Variants in DOCK1 observed in about 807,000 individuals in gnomAD.
DOCK1 encodes the protein dedicator of cytokinesis 1.
DOCK1 carries 138 observed loss-of-function variants against 262.7 expected under a neutral mutation model. That is an observed-to-expected ratio of 0.53 (90% CI 0.46 to 0.61). The LOEUF (loss-of-function observed/expected upper bound fraction) is 0.61, where lower values mean the gene tolerates loss of function less well. Ranked by LOEUF, DOCK1 falls within the 20% of genes least tolerant of loss-of-function variation. The pLI is 0.00. For synonymous variants in DOCK1, 866 were observed against 867.4 expected, an observed-to-expected ratio of 1.00 and a Z score of 0.03; for missense variants, 1,908 against 2,370.7, an observed-to-expected ratio of 0.80 and a Z score of 4.05.
intron 1 of DOCK1, among the ~76,000 whole-genome samples, chr10:126,952,419 T>C (rs1435732930): frequency 6.6e-6 from 1 of 151,844 alleles, no homozygotes; most frequent in Non-Finnish European, 1.5e-5. Context: ...TTGGTAGTGT[T>C]GGTGATGTTA....
chr10:127,163,044 G>T (rs569992149), intron 27 of DOCK1, among the ~76,000 whole-genome samples: 1 of 152,076 alleles, frequency 6.6e-6, no homozygotes, highest in Non-Finnish European at 1.5e-5. Context: ...TCTTCCCTCC[G>T]GGGCAGCACA....
intron 18 of DOCK1, among the ~76,000 whole-genome samples, chr10:127,035,008 C>T (rs939713672): frequency 1.3e-5 from 2 of 152,204 alleles, no homozygotes; most frequent in African/African-American, 4.8e-5. Flanking sequence ...CTCTCAGCAG[C>T]AGCTGTTGCC....
intron 1 of DOCK1, among the ~76,000 whole-genome samples, chr10:126,963,652 TTCCTTCCTTCCTTCCTTCCTCCC>T (rs2037444911): frequency 9.7e-6 from 1 of 102,864 alleles, no homozygotes. Flanking sequence ...CCTTCCTTCC[TTCCTTCCTTCCTTCCTTCCTCCC>T]TCCCTTCCTC....
chr10:127,308,972 A>G (rs988060543), intron 29 of DOCK1, among the ~76,000 whole-genome samples: 1 of 152,224 alleles, frequency 6.6e-6, no homozygotes, highest in Non-Finnish European at 1.5e-5. Flanking sequence ...TGGCTGGGTC[A>G]AATGGTATTT....
intron 21 of DOCK1, among the ~76,000 whole-genome samples, 163 bp downstream of exon 21, chr10:127,043,327 A>G (rs1591789157): frequency 6.6e-6 from 1 of 152,202 alleles, no homozygotes; most frequent in East Asian, 1.9e-4. Context: ...TAACATACCT[A>G]AAAACCTTGT....
Position 127,381,338 on chromosome 10 carries a change from C to T in DOCK1, c.3777C>T (p.Tyr1259=). The T allele has an allele frequency of 6.2e-7, 1 of 1,612,668 alleles. No individual in the cohort carries two copies. The change falls in exon 37 of 52, where the codon TAC becomes TAT. Residue 1259 remains tyrosine (Y), a synonymous_variant. Transcript: ENST00000623213. ...GTGATAACTACACCGAAGCGGCTTA[C>T]ACCTTGCTTCTCCATGCAAAGCTTC... is the stretch of plus-strand genomic sequence containing the variant. ...KECDNYTEAA[Y]TLLLHAKLLK...
intron 27 of DOCK1, among the ~76,000 whole-genome samples, chr10:127,172,892 C>T (rs190848912): frequency 1.3e-5 from 2 of 152,296 alleles, no homozygotes; most frequent in East Asian, 3.9e-4. Flanking sequence ...GCTGCACTGT[C>T]TTATGTATGT....
chr10:127,010,422 A>G (rs1168116566), intron 11 of DOCK1, among the ~76,000 whole-genome samples: 4 of 152,214 alleles, frequency 2.6e-5, no homozygotes, highest in Non-Finnish European at 5.9e-5. Flanking sequence ...AGCCAAGATC[A>G]CGCCACTGCA....
At chr10:127,223,523 T>C (rs888145550) in intron 27 of DOCK1, among the ~76,000 whole-genome samples, 20 of 152,214 alleles carry the variant, frequency 1.3e-4, no homozygotes, top group African/African-American at 4.8e-4. Context: ...TCAAAGGAAA[T>C]GCTTATTGGA....
chr10:127,078,138 A>T (rs974247007), intron 23 of DOCK1, among the ~76,000 whole-genome samples: 16 of 151,988 alleles, frequency 1.1e-4, no homozygotes, highest in African/African-American at 3.6e-4. Flanking sequence ...TATTTATTTT[A>T]TTTATGTTTT....
intron 27 of DOCK1, among the ~76,000 whole-genome samples, chr10:127,237,434 T>C (rs2059114514): frequency 6.6e-6 from 1 of 152,108 alleles, no homozygotes; most frequent in Admixed American, 6.5e-5. Context: ...GGATCCATAT[T>C]TGGCAGGGAA....
At chr10:127,018,597 C>G in intron 12 of DOCK1, 113 bp from the exon 13 acceptor site, 1 of 1,534,894 alleles carries the variant, frequency 6.5e-7, no homozygotes. Flanking sequence ...CCTTTTCTCT[C>G]AAGATGTTGA....
chr10:126,953,459 G>C (rs893896239), intron 1 of DOCK1, among the ~76,000 whole-genome samples: 3 of 151,908 alleles, frequency 2.0e-5, no homozygotes, highest in Admixed American at 6.6e-5. Flanking sequence ...AGGTGGTGAT[G>C]GCAGTGGAGG....
rs146660098 is a variant in DOCK1, at chr10:127,283,651, T to C, written c.3044+26222T>C. ...TCATGGTGTAATATCATCTGTGTACTGCATTATTTTACTTACCATTCTATC... is the reference window on the plus strand; with the variant it reads ...TCATGGTGTAATATCATCTGTGTACCGCATTATTTTACTTACCATTCTATC... On this transcript the variant is annotated intron_variant, in intron 29 of 51. Transcript: ENST00000623213. Among the ~76,000 whole-genome samples the C allele has an allele frequency of 4.4e-3, 668 of 152,378 alleles. 26 individuals are homozygous for C. Among genetic ancestry groups the C allele is most frequent in the Non-Finnish European group, 6.0e-4 (41 of 68,038 alleles).
intron 33 of DOCK1, among the ~76,000 whole-genome samples, chr10:127,364,151 G>A (rs909959615): frequency 6.6e-6 from 1 of 152,116 alleles, no homozygotes; most frequent in Non-Finnish European, 1.5e-5. Flanking sequence ...GGGGCCCAAC[G>A]CTGCATACAA....
chr10:127,248,039 T>C lies in DOCK1; in HGVS notation c.2879T>C (p.Leu960Ser). Reference sequence around the variant, plus strand: ...TTCGTGGCTTGCATGACAGCTATTTTACGACAAATGGAAGATTACCATTAT... The same window carrying C: ...TTCGTGGCTTGCATGACAGCTATTTCACGACAAATGGAAGATTACCATTAT... Reference protein sequence around the residue: ...GNFVACMTAILRQMEDYHYAH... With the variant: ...GNFVACMTAISRQMEDYHYAH... The change falls in exon 28 of 52, where the codon TTA becomes TCA. Residue 960 changes from leucine to serine, a missense_variant. Transcript: ENST00000623213. 2 of 1,614,024 alleles carry C rather than the reference T, an allele frequency of 1.2e-6. No individual in the cohort carries two copies. The highest frequency in any genetic ancestry group is 1.7e-6 in the Non-Finnish European group (2 of 1,179,898).
At chr10:127,228,164 C>A (rs1761524) in intron 27 of DOCK1, among the ~76,000 whole-genome samples, 30,140 of 152,064 alleles carry the variant, frequency 0.2, 3,660 homozygotes, top group African/African-American at 0.34. Context: ...GTCTTTAATA[C>A]TTCAAAAACA....
intron 1 of DOCK1, among the ~76,000 whole-genome samples, chr10:126,949,560 G>A (rs1027521112): frequency 0.03 from 4,580 of 152,138 alleles, 119 homozygotes; most frequent in East Asian, 0.065. Flanking sequence ...AGCAGCAAGG[G>A]CAGAGCTGGG....
At chr10:127,289,133 A>G (rs910386650) in intron 29 of DOCK1, among the ~76,000 whole-genome samples, 1 of 152,142 alleles carries the variant, frequency 6.6e-6, no homozygotes, top group Admixed American at 6.6e-5. Context: ...TTAACTTTTA[A>G]TATCAGTAAA....
Sources: allele counts gnomAD v4.1 joint callset (sites outside exome capture counted in the v4.1 genomes callset), GRCh38; gene constraint gnomAD v4.1.1; transcripts MANE v1.5; gene names NCBI Gene and HGNC (gene_info 2026-07-23, HGNC 2026-07-21).